The following DNAH8 variants were observed in gnomAD, a reference collection of about 807,000 sequenced individuals.
The protein encoded by DNAH8 is dynein axonemal heavy chain 8.
A neutral mutation model predicts 562.1 loss-of-function variants in DNAH8; 382 were observed. The ratio of observed to expected loss-of-function variants is 0.68; its 90% CI spans 0.63 to 0.74. DNAH8 has a LOEUF of 0.74. Among genes scored for constraint, DNAH8 ranks in the 30% least tolerant of loss-of-function variants. DNAH8 has a pLI of 0.00. For synonymous variants in DNAH8, 1,881 were observed against 1,919.4 expected (o/e 0.98, Z 0.52); for missense variants, 5,203 against 5,620.4 (o/e 0.93, Z 2.37).
At chr6:39,008,693 C>CTTTTTTTTTTT (rs34058863) in intron 88 of DNAH8, 121 bp from the exon 89 acceptor site, 1 of 350,586 alleles carries the variant, frequency 2.9e-6, no homozygotes, top group Non-Finnish European at 5.0e-6. Context: ...AACTTTTCTT[C>CTTTTTTTTTTT]TTTTTTTTTT....
At chr6:39,012,772 C>G in intron 91 of DNAH8, 135 bp downstream of exon 91, 1 of 637,962 alleles carries the variant, frequency 1.6e-6, no homozygotes, top group Non-Finnish European at 2.8e-6. Context: ...CATTCAAAGG[C>G]GAAAGAACAC....
chr6:38,933,653 CT>C (rs1782729059), intron 76 of DNAH8, among the ~76,000 whole-genome samples: 1 of 152,310 alleles, frequency 6.6e-6, no homozygotes, highest in African/African-American at 2.4e-5. Flanking sequence ...ATGAAAATGA[CT>C]AACTGGTTAT....
intron 62 of DNAH8, among the ~76,000 whole-genome samples, chr6:38,900,525 T>C (rs1780002393): frequency 6.6e-6 from 1 of 152,246 alleles, no homozygotes; most frequent in Non-Finnish European, 1.5e-5. Flanking sequence ...GTTTTCCATG[T>C]GGTTGTACCA....
In DNAH8 at chr6:38,868,143, AGT is replaced by A. The variant is rs754547680; in HGVS notation, c.6777_6778del (p.Ser2259ArgfsTer19). The A allele has an allele frequency of 1.3e-5, 21 of 1,613,748 alleles. No individual in the cohort carries two copies. Among genetic ancestry groups the A allele is most frequent in the Non-Finnish European group, 1.7e-5 (20 of 1,179,780 alleles). On this transcript the variant is annotated frameshift_variant, in exon 48 of 93. Transcript: ENST00000327475. LOFTEE classifies it high-confidence loss of function. ...TCAAAAAAGAGCCAGACCAGAAGAT[AGT>A]GAATTAAGCATTGTCATGAGAGGAC... ...GSQKRARPED[S>X]ELSIVMRGLR...
chr6:38,821,662 G>T lies in DNAH8; in HGVS notation c.3524-1176G>T, dbSNP rs115027545. On this transcript the variant is annotated intron_variant, in intron 26 of 92. Coordinates refer to ENST00000327475, the MANE Select transcript of DNAH8 (RefSeq NM_001206927.2). ...TACTGCAGCCTCTGCCTTCTTGGCT[G>T]AAGCAATCCTCCCCTTTCAGCCTCC... Among the ~76,000 whole-genome samples the T allele has an allele frequency of 4.3e-3, 648 of 152,196 alleles. 7 individuals are homozygous for T. Among genetic ancestry groups the T allele is most frequent in the African/African-American group, 0.015 (620 of 41,540 alleles).
chr6:38,871,259 G>A (rs1378764686), intron 49 of DNAH8, among the ~76,000 whole-genome samples: 3 of 152,152 alleles, frequency 2.0e-5, no homozygotes, highest in Non-Finnish European at 2.9e-5. Context: ...GTTCTTGCCA[G>A]ATTATAAGAT....
At chr6:38,752,167 C>G (rs190885039) in intron 9 of DNAH8, among the ~76,000 whole-genome samples, 2 of 151,164 alleles carry the variant, frequency 1.3e-5, no homozygotes, top group South Asian at 4.2e-4. Flanking sequence ...CTTCCTCCCC[C>G]CACCCCACCA....
rs147418086 is a variant in DNAH8, at chr6:38,883,977, G to C, written c.8238G>C (p.Val2746=). 829 of 1,571,668 alleles carry C rather than the reference G, an allele frequency of 5.3e-4. No individual in the cohort carries two copies. The highest frequency in any genetic ancestry group is 6.8e-4 in the Non-Finnish European group (791 of 1,156,958). Residue 2746 remains valine, a synonymous_variant, in exon 56 of 93, where the codon GTG becomes GTC. Transcript: ENST00000327475. The stretch of plus-strand genomic sequence containing the variant: ...TTATTGATGATATTAATATGCCTGT[G>C]ATTAATGAGTGGGGAGATCAGGTAT... ...TVFIDDINMP[V]INEWGDQITN... is the part of the protein sequence containing the mutation.
chr6:38,897,117 C>T (rs779237995), intron 60 of DNAH8, among the ~76,000 whole-genome samples: 7 of 152,122 alleles, frequency 4.6e-5, no homozygotes, highest in South Asian at 2.1e-4. Flanking sequence ...CCACCCATCT[C>T]GGCCTCCCAA....
chr6:38,974,198 T>C (rs1281101241), intron 84 of DNAH8, among the ~76,000 whole-genome samples, 176 bp from the exon 85 acceptor site: 2 of 152,246 alleles, frequency 1.3e-5, no homozygotes, highest in African/African-American at 4.8e-5. Flanking sequence ...GCCAATAGAA[T>C]GCTCAAAGGC....
intron 80 of DNAH8, among the ~76,000 whole-genome samples, chr6:38,945,839 G>C (rs1761365459): frequency 6.6e-6 from 1 of 152,130 alleles, no homozygotes; most frequent in African/African-American, 2.4e-5. Context: ...ATGCCTGTTA[G>C]AGTTGCTGCT....
At chr6:39,000,758 T>C (rs1765430735) in intron 88 of DNAH8, among the ~76,000 whole-genome samples, 2 of 152,116 alleles carry the variant, frequency 1.3e-5, no homozygotes, top group Non-Finnish European at 2.9e-5. Context: ...ATAAAAGTAA[T>C]GTGTTTGAAT....
chr6:38,922,985 G>A (rs1463038304), intron 71 of DNAH8, 73 bp from the exon 72 acceptor site: 1 of 1,458,724 alleles, frequency 6.9e-7, no homozygotes, highest in South Asian at 1.3e-5. Flanking sequence ...GTATTTTTAT[G>A]TGTGAATATA....
intron 17 of DNAH8, among the ~76,000 whole-genome samples, 181 bp downstream of exon 17, chr6:38,783,320 T>A (rs1170072466): frequency 2.0e-5 from 3 of 152,198 alleles, no homozygotes; most frequent in African/African-American, 7.2e-5. Context: ...ATTTTATAAG[T>A]GAAAATGATC....
At chr6:38,836,870 T>A (rs909297056) in intron 32 of DNAH8, among the ~76,000 whole-genome samples, 7 of 152,116 alleles carry the variant, frequency 4.6e-5, no homozygotes, top group African/African-American at 1.7e-4. Context: ...GTGGGTGTTT[T>A]TATGTTACTT....
intron 25 of DNAH8, among the ~76,000 whole-genome samples, chr6:38,815,006 G>A (rs1373228353): frequency 1.3e-5 from 2 of 152,104 alleles, no homozygotes; most frequent in Non-Finnish European, 2.9e-5. Context: ...CCTTTACATG[G>A]TCTGACCTCC....
At chr6:38,942,267 G>A (rs546045965) in intron 79 of DNAH8, among the ~76,000 whole-genome samples, 1 of 152,298 alleles carries the variant, frequency 6.6e-6, no homozygotes, top group Non-Finnish European at 1.5e-5. Flanking sequence ...TTCCTTACTG[G>A]TGAGCTGGCT....
chr6:38,822,568 T>C (rs1772963123), intron 26 of DNAH8, among the ~76,000 whole-genome samples: 2 of 152,158 alleles, frequency 1.3e-5, no homozygotes, highest in Admixed American at 6.5e-5. Flanking sequence ...CATTTTGGGG[T>C]GTTTTAATCA....
chr6:38,862,321 G>A lies in DNAH8; in HGVS notation c.6173G>A (p.Gly2058Glu), dbSNP rs1216177207. ...TLAQALGMNM[G>E]GAPAGPAGTG... ...GCTCAGGCCTTGGGCATGAACATGG[G>A]AGGTGCTCCCGCAGGACCTGCTGGC... The change falls in exon 44 of 93, where the codon GGA becomes GAA. Residue 2058 changes from glycine to glutamate, a missense_variant. By Grantham distance (98) the Gly-to-Glu change is moderately conservative. Around this residue, in one of 6 missense-constraint regions of DNAH8, gnomAD observed 2,176 missense variants for 2,365.1 expected, o/e 0.92. Transcript: ENST00000327475. 2 of 1,614,004 alleles carry A rather than the reference G, an allele frequency of 1.2e-6. No homozygotes were observed. The highest frequency in any genetic ancestry group is 2.7e-5 in the African/African-American group (2 of 74,906).
Sources: gnomAD v4.1 joint callset for allele counts (sites outside exome capture counted in the v4.1 genomes callset) on GRCh38, gnomAD v4.1.1 for gene constraint, gnomAD v4.1.1 regional missense constraint, MANE v1.5 for transcripts, NCBI Gene and HGNC (gene_info 2026-07-23, HGNC 2026-07-21) for gene names.